ABTB2: variants seen among roughly 807,000 people sequenced by gnomAD.
ABTB2 encodes the protein ankyrin repeat and BTB/POZ domain-containing protein 2.
ABTB2 carries 56 observed loss-of-function variants against 104.1 expected under a neutral mutation model. That is an observed-to-expected ratio of 0.54 (90% CI 0.43 to 0.67). ABTB2 has a LOEUF of 0.67. ABTB2 is among the 30% of genes least tolerant of loss of function. The probability of loss-of-function intolerance (pLI) is 0.00; values close to 1 mark genes in which losing one functional copy is unlikely to be tolerated. For missense variants in ABTB2, 1,279 were observed against 1,407.7 expected, an observed-to-expected ratio of 0.91 and a Z score of 1.46; for synonymous variants, 606 against 608.2, an observed-to-expected ratio of 1.00 and a Z score of 0.05.
At chr11:34,294,910 T>G (rs1412632511) in intron 1 of ABTB2, among the ~76,000 whole-genome samples, 1 of 151,914 alleles carries the variant, frequency 6.6e-6, no homozygotes, top group Non-Finnish European at 1.5e-5. Context: ...GAGACAGGGT[T>G]TCACCATGTT....
chr11:34,166,105 C>T (rs1852797067), intron 7 of ABTB2, among the ~76,000 whole-genome samples: 1 of 152,244 alleles, frequency 6.6e-6, no homozygotes, highest in Non-Finnish European at 1.5e-5. Flanking sequence ...GCTCCCTTTC[C>T]ACCTTCCCTG....
intron 1 of ABTB2, among the ~76,000 whole-genome samples, chr11:34,284,640 C>T (rs1469087317): frequency 6.6e-6 from 1 of 152,134 alleles, no homozygotes; most frequent in Non-Finnish European, 1.5e-5. Context: ...GACGGATGAA[C>T]AAGAAGCAGG....
At position 34,162,642 on chromosome 11, in the gene ABTB2, G is replaced by T; in HGVS notation, c.2152C>A (p.Gln718Lys). The T allele has an allele frequency of 6.2e-7, 1 of 1,613,566 alleles. No individual in the cohort carries two copies. Residue 718 changes from glutamine (Q) to lysine (K), a missense_variant, in exon 10 of 17, where the codon CAG (glutamine) becomes AAG (lysine). Gln to Lys is a moderately conservative substitution (Grantham distance 53). Coordinates refer to ENST00000435224, the MANE Select transcript of ABTB2 (RefSeq NM_145804.3). ...TCAGCGCTGTAGTACATGGCCTCCT[G>T]TAGGGCCTTGGTGCGGGTCCGGCTC... ...RLSRTRTKAL[Q>K]EAMYYSAEHG...
At chr11:34,204,462 A>T (rs912980814) in intron 2 of ABTB2, 82 bp downstream of exon 2, 2 of 1,460,676 alleles carry the variant, frequency 1.4e-6, no homozygotes, top group African/African-American at 2.8e-5. Flanking sequence ...GAGGAGGAGG[A>T]GGCGAGCTCT....
At chr11:34,323,364 A>C (rs888112294) in intron 1 of ABTB2, among the ~76,000 whole-genome samples, 7 of 152,364 alleles carry the variant, frequency 4.6e-5, no homozygotes, top group African/African-American at 1.4e-4. Flanking sequence ...ATGGATATAC[A>C]GAGGTTATTA....
At chr11:34,267,382 C>G (rs745306975) in intron 1 of ABTB2, among the ~76,000 whole-genome samples, 24 of 152,196 alleles carry the variant, frequency 1.6e-4, no homozygotes, top group Non-Finnish European at 3.4e-4. Context: ...TCCTGGACCC[C>G]AACCCTGGCC....
At chr11:34,162,311 C>G (rs1852731782) in intron 10 of ABTB2, among the ~76,000 whole-genome samples, 1 of 152,226 alleles carries the variant, frequency 6.6e-6, no homozygotes, top group Non-Finnish European at 1.5e-5. Flanking sequence ...TCCAGCCAGG[C>G]AGGGTGGAGG....
At chr11:34,284,734 G>C (rs1260246305) in intron 1 of ABTB2, among the ~76,000 whole-genome samples, 1 of 152,206 alleles carries the variant, frequency 6.6e-6, no homozygotes, top group African/African-American at 2.4e-5. Flanking sequence ...ATAAATATTT[G>C]TAAATAAATT....
In ABTB2 at chr11:34,219,331, T is replaced by C. The variant is rs1356931491; in HGVS notation, c.884-14641A>G. ...CCTTTGGGAGACCAAGCCAGGAGGA[T>C]TGCTTGAGTTCAAAGCCAACCTGGG... On this transcript the variant is annotated intron_variant, in intron 1 of 16. Coordinates refer to ENST00000435224, the MANE Select transcript of ABTB2 (RefSeq NM_145804.3). Among the ~76,000 whole-genome samples, 5 of 151,990 alleles carry C rather than the reference T, an allele frequency of 3.3e-5. No individual in the cohort carries two copies. In the East Asian group the frequency reaches 7.7e-4, roughly 24 times the overall value.
chr11:34,161,288 G>C (rs908428935), intron 10 of ABTB2, among the ~76,000 whole-genome samples: 1 of 151,182 alleles, frequency 6.6e-6, no homozygotes, highest in Non-Finnish European at 1.5e-5. Context: ...CATTCTAATA[G>C]GTCTTGCTGG....
intron 1 of ABTB2, among the ~76,000 whole-genome samples, chr11:34,204,993 C>G (rs1853391410): frequency 6.6e-6 from 1 of 152,194 alleles, no homozygotes; most frequent in East Asian, 1.9e-4. Flanking sequence ...TTCATTCACT[C>G]ACTTGCTGAA....
intron 6 of ABTB2, among the ~76,000 whole-genome samples, 197 bp from the exon 7 acceptor site, chr11:34,167,557 G>A (rs1384828472): frequency 1.3e-5 from 2 of 152,238 alleles, no homozygotes; most frequent in East Asian, 3.8e-4. Context: ...AAAGAGGGCA[G>A]ATGGGGAGTG....
intron 1 of ABTB2, among the ~76,000 whole-genome samples, chr11:34,327,237 A>G (rs983491336): frequency 6.6e-6 from 1 of 152,276 alleles, no homozygotes; most frequent in Non-Finnish European, 1.5e-5. Context: ...AAACGTATCA[A>G]AAGAAAGCTG....
chr11:34,217,540 C>A (rs532697570), intron 1 of ABTB2, among the ~76,000 whole-genome samples: 1 of 152,302 alleles, frequency 6.6e-6, no homozygotes, highest in African/African-American at 2.4e-5. Flanking sequence ...TGGCTCACCA[C>A]AATCTTCGCC....
At chr11:34,243,273 A>G (rs1853941279) in intron 1 of ABTB2, among the ~76,000 whole-genome samples, 1 of 152,138 alleles carries the variant, frequency 6.6e-6, no homozygotes, top group Non-Finnish European at 1.5e-5. Flanking sequence ...GACCTCTGGC[A>G]AATATATATA....
At chr11:34,192,374 T>C (rs1240533768) in intron 3 of ABTB2, among the ~76,000 whole-genome samples, 1 of 152,174 alleles carries the variant, frequency 6.6e-6, no homozygotes, top group Non-Finnish European at 1.5e-5. Flanking sequence ...GTTAAATGAC[T>C]GGTTGAAGGT....
intron 1 of ABTB2, among the ~76,000 whole-genome samples, chr11:34,275,445 C>A (rs1046855860): frequency 6.6e-6 from 1 of 152,136 alleles, no homozygotes; most frequent in Admixed American, 6.5e-5. Context: ...AATGGGGGAC[C>A]ATGGCATGTC....
chr11:34,335,193 C>T lies in ABTB2; in HGVS notation c.883+21508G>A, dbSNP rs1855178960. On this transcript the variant is annotated intron_variant, in intron 1 of 16. Coordinates refer to ENST00000435224, the MANE Select transcript of ABTB2 (RefSeq NM_145804.3). ...GATGCTTCCTACAACTACACGGGTA[C>T]CCCAGAGACTATGACGAATCACTTT... The T allele has an allele frequency of 3.2e-6, 4 of 1,262,906 alleles. No individual in the cohort carries two copies. In the South Asian group the frequency reaches 4.8e-5, roughly 15 times the overall value. 78.2% of individuals were successfully genotyped at this position (1,262,906 alleles called of 1,614,324 possible). A position where few individuals can be genotyped will look rare whatever the true frequency, so the allele number is the denominator to read the frequency against.
At chr11:34,264,371 G>A (rs1854223166) in intron 1 of ABTB2, among the ~76,000 whole-genome samples, 1 of 152,222 alleles carries the variant, frequency 6.6e-6, no homozygotes, top group Non-Finnish European at 1.5e-5. Context: ...AGGAAGAACG[G>A]TCAGAGGTCT....
Sources: allele counts gnomAD v4.1 joint callset (sites outside exome capture counted in the v4.1 genomes callset), GRCh38; gene constraint gnomAD v4.1.1; transcripts MANE v1.5; gene names NCBI Gene and HGNC (gene_info 2026-07-23, HGNC 2026-07-21).